Variants in CTNNA2 observed in about 807,000 individuals in gnomAD.
CTNNA2 encodes catenin alpha-2.
Under a neutral mutation model 101.0 loss-of-function variants are expected in CTNNA2, and 42 were observed. The ratio of observed to expected loss-of-function variants is 0.42; its 90% CI spans 0.32 to 0.54. The LOEUF is 0.54. Ranked by LOEUF, CTNNA2 falls within the 20% of genes least tolerant of loss-of-function variation. CTNNA2 has a pLI of 0.14. For missense variants in CTNNA2, 871 were observed against 1,223.1 expected (o/e 0.71, Z 4.29); for synonymous variants, 450 against 456.4 (o/e 0.99, Z 0.18).
At chr2:80,473,186 C>A (rs1572976695) in intron 9 of CTNNA2, among the ~76,000 whole-genome samples, 2 of 152,130 alleles carry the variant, frequency 1.3e-5, no homozygotes, top group Admixed American at 6.5e-5. Context: ...GTGATAATGA[C>A]CCCAGACTCC....
At position 79,822,572 on chromosome 2, in the gene CTNNA2, A is replaced by T. The variant is rs954627360; in HGVS notation, c.299-35441A>T. Among the ~76,000 whole-genome samples, 13 of 152,270 alleles carry T rather than the reference A, an allele frequency of 8.5e-5. No individual in the cohort carries two copies. In the East Asian group the frequency reaches 2.5e-3, roughly 29 times the overall value. On this transcript the variant is annotated intron_variant, in intron 3 of 18. Transcript: ENST00000402739. ...TGCCTCTGATTTCTAGTCTGCACCA[A>T]GTCTGGCTCATTTTGCCTCCGGAAT... is the stretch of plus-strand genomic sequence containing the variant.
chr2:80,533,129 A>T (rs1468260972), intron 9 of CTNNA2, among the ~76,000 whole-genome samples: 2 of 152,228 alleles, frequency 1.3e-5, no homozygotes, highest in African/African-American at 4.8e-5. Flanking sequence ...TTCCGTGTGT[A>T]GGTATCCTCC....
chr2:79,267,484 G>T (rs1398159338), intron 2 of CTNNA2, among the ~76,000 whole-genome samples: 2 of 152,080 alleles, frequency 1.3e-5, no homozygotes, highest in Admixed American at 1.3e-4. Context: ...AATCACCTAC[G>T]AAAGGCCCCA....
At chr2:80,284,446 T>C (rs1179396873) in intron 7 of CTNNA2, among the ~76,000 whole-genome samples, 1 of 152,084 alleles carries the variant, frequency 6.6e-6, no homozygotes, top group African/African-American at 2.4e-5. Context: ...AGGACAGAAG[T>C]GGTGGCCTTT....
chr2:79,480,829 G>A lies in CTNNA2; in HGVS notation c.-134-24225G>A, dbSNP rs1056275227. On this transcript the variant is annotated intron_variant, in intron 4 of 21. Transcript: ENST00000466387. ...AGATATGAATAACAATTTTCTTAAC[G>A]TTTTCCGTGGTTTGCATCATTAATC... Among the ~76,000 whole-genome samples, 28 of 151,776 alleles carry A rather than the reference G, an allele frequency of 1.8e-4. 1 individual carries two copies. The highest frequency in any genetic ancestry group is 6.1e-4 in the African/African-American group (25 of 41,314).
At chr2:79,893,210 G>T (rs1422935100) in intron 6 of CTNNA2, among the ~76,000 whole-genome samples, 2 of 152,022 alleles carry the variant, frequency 1.3e-5, no homozygotes, top group African/African-American at 2.4e-5. Context: ...CCACCGTTTT[G>T]TCCTCCTTCA....
intron 9 of CTNNA2, among the ~76,000 whole-genome samples, chr2:80,512,624 T>C (rs1166774379): frequency 2.0e-5 from 3 of 152,192 alleles, no homozygotes; most frequent in African/African-American, 7.2e-5. Context: ...TGGTTTATTA[T>C]ATATACATTT....
At position 80,619,241 on chromosome 2, in the gene CTNNA2, A is replaced by G; in HGVS notation, c.2574+13A>G. The stretch of plus-strand genomic sequence containing the variant: ...TGATTCCTCCATGGTGAGTAAATTG[A>G]CTTTCTAATCTAATGTCTTTCATTG... On this transcript the variant is annotated intron_variant, in intron 18 of 18. Transcript: ENST00000402739. 1 of 1,527,786 alleles carries G rather than the reference A, an allele frequency of 6.5e-7. No homozygotes were observed. The highest frequency in any genetic ancestry group is 2.4e-5 in the East Asian group (1 of 42,302). 94.6% of individuals were successfully genotyped at this position (1,527,786 alleles called of 1,614,324 possible).
At chr2:79,556,831 G>A (rs1674477086) in intron 1 of CTNNA2, among the ~76,000 whole-genome samples, 1 of 151,872 alleles carries the variant, frequency 6.6e-6, no homozygotes, top group South Asian at 2.1e-4. Flanking sequence ...CATTTTTATT[G>A]CAGACAGTCA....
chr2:80,442,989 G>C (rs989413022), intron 9 of CTNNA2, among the ~76,000 whole-genome samples: 6 of 152,158 alleles, frequency 3.9e-5, no homozygotes, highest in African/African-American at 1.4e-4. Context: ...CCTGCAATAA[G>C]GAACTGAAGC....
intron 7 of CTNNA2, among the ~76,000 whole-genome samples, chr2:80,149,506 A>C (rs185440967): frequency 6.6e-6 from 1 of 152,192 alleles, no homozygotes; most frequent in African/African-American, 2.4e-5. Flanking sequence ...AGCCAATTAC[A>C]GTTTCTTCTT....
At chr2:79,976,638 T>A (rs1690863631) in intron 7 of CTNNA2, among the ~76,000 whole-genome samples, 1 of 152,234 alleles carries the variant, frequency 6.6e-6, no homozygotes, top group Non-Finnish European at 1.5e-5. Context: ...CGATTACATT[T>A]TAACCTCACA....
chr2:80,635,748 CTCA>C (rs1454704896), intron 18 of CTNNA2, among the ~76,000 whole-genome samples: 1 of 151,834 alleles, frequency 6.6e-6, no homozygotes, highest in African/African-American at 2.4e-5. Flanking sequence ...ATTGCTAACT[CTCA>C]TCAATTGCTA....
At chr2:80,139,438 C>T (rs1159288154) in intron 7 of CTNNA2, among the ~76,000 whole-genome samples, 2 of 152,028 alleles carry the variant, frequency 1.3e-5, no homozygotes, top group Non-Finnish European at 2.9e-5. Context: ...TGGTTTAATA[C>T]TCCTTTCCAT....
Position 80,647,897 on chromosome 2 carries a change from T to A in CTNNA2, c.*25T>A. The A allele has an allele frequency of 6.5e-7, 1 of 1,533,456 alleles. No homozygotes were observed. Among genetic ancestry groups the A allele is most frequent in the Non-Finnish European group, 8.8e-7 (1 of 1,141,850 alleles). 95.0% of individuals were successfully genotyped at this position (1,533,456 alleles called of 1,614,324 possible). ...GGACGATAGGTTTTAACAAGAAAGC[T>A]TTTTCTTTCTTTTCTTTCTTTCTTT... On this transcript the variant is annotated 3_prime_UTR_variant, in exon 19 of 19. Coordinates refer to ENST00000402739, the MANE Select transcript of CTNNA2 (RefSeq NM_001282597.3).
At chr2:79,486,436 G>A (rs1671158669) in intron 4 of CTNNA2, among the ~76,000 whole-genome samples, 2 of 152,070 alleles carry the variant, frequency 1.3e-5, no homozygotes. Flanking sequence ...AGTATTCCAT[G>A]GTGTAAATGT....
At chr2:79,570,151 G>C (rs1408347536) in intron 1 of CTNNA2, among the ~76,000 whole-genome samples, 1 of 152,080 alleles carries the variant, frequency 6.6e-6, no homozygotes, top group Non-Finnish European at 1.5e-5. Flanking sequence ...CTAAAGAGAT[G>C]GATTTCTAAG....
chr2:79,943,060 T>TA (rs201640145), intron 7 of CTNNA2, among the ~76,000 whole-genome samples: 2,198 of 151,850 alleles, frequency 0.014, 53 homozygotes, highest in African/African-American at 0.048. Context: ...CTGCTAAAAA[T>TA]AAAAAAATTA....
At chr2:80,207,947 C>G (rs182676482) in intron 7 of CTNNA2, among the ~76,000 whole-genome samples, 8 of 152,160 alleles carry the variant, frequency 5.3e-5, no homozygotes, top group African/African-American at 1.9e-4. Context: ...GGTGGAGTCA[C>G]AGGAAAAAAG....
Sources: gnomAD v4.1 joint callset for allele counts (sites outside exome capture counted in the v4.1 genomes callset) on GRCh38, gnomAD v4.1.1 for gene constraint, MANE v1.5 for transcripts, NCBI Gene and HGNC (gene_info 2026-07-23, HGNC 2026-07-21) for gene names.